Variants in MFSD11 observed in about 807,000 individuals in gnomAD.
The protein encoded by MFSD11 is UNC93-like protein MFSD11.
In MFSD11, 36 loss-of-function variants were observed where a neutral mutation model predicts 53.5. That is an observed-to-expected ratio of 0.67 (90% confidence interval 0.52 to 0.89). MFSD11 has a LOEUF of 0.89. Among genes scored for constraint, MFSD11 ranks in the 40% least tolerant of loss-of-function variants. The pLI, the probability that MFSD11 is intolerant of heterozygous loss-of-function variation, is 0.00. For missense variants in MFSD11, 530 were observed against 543.9 expected, an observed-to-expected ratio of 0.97 and a Z score of 0.25; for synonymous variants, 186 against 184.9, an observed-to-expected ratio of 1.01 and a Z score of -0.05.
At chr17:76,746,121 G>A (rs1042157266) in intron 7 of MFSD11, among the ~76,000 whole-genome samples, 5 of 152,204 alleles carry the variant, frequency 3.3e-5, no homozygotes, top group African/African-American at 4.8e-5. Flanking sequence ...GGGAACACAC[G>A]AATGATAAGA....
chr17:76,778,246 T>C lies in MFSD11; in HGVS notation c.1244T>C (p.Leu415Pro). 6.2e-7 allele frequency: 1 copy of C among 1,614,186 alleles called. No homozygotes were observed. Residue 415 changes from leucine (L) to proline (P), a missense_variant, in exon 13 of 13, where the codon CTC becomes CCC. By Grantham distance (98) the Leu-to-Pro change is moderately conservative. Transcript: ENST00000685175. ...AACTACCTTCTCCTTCACTGGCAACTCCTGGTCATGGTGATATTTGGGTTT... is the reference window on the plus strand; with the variant it reads ...AACTACCTTCTCCTTCACTGGCAACCCCTGGTCATGGTGATATTTGGGTTT... ...YSNYLLLHWQ[L>P]LVMVIFGFFG...
chr17:76,742,253 C>G lies in MFSD11; in HGVS notation c.417C>G (p.Phe139Leu), dbSNP rs747931692. The G allele has an allele frequency of 3.1e-6, 5 of 1,613,900 alleles. No homozygotes were observed. Among genetic ancestry groups the G allele is most frequent in the Non-Finnish European group, 4.2e-6 (5 of 1,179,904 alleles). The change falls in exon 5 of 13, where the codon TTC becomes TTG. Residue 139 changes from phenylalanine (F) to leucine (L), a missense_variant. Coordinates refer to ENST00000685175, the MANE Select transcript of MFSD11 (RefSeq NM_001242532.5). ...EHSIGRNSGIFWALLQSSLFF... is the reference protein window; with the variant it reads ...EHSIGRNSGILWALLQSSLFF... ...GCATTGGGAGAAACAGTGGGATTTTCTGGGCACTTCTGCAGTCTAGGTAAT... is the reference window on the plus strand; with the variant it reads ...GCATTGGGAGAAACAGTGGGATTTTGTGGGCACTTCTGCAGTCTAGGTAAT...
intron 8 of MFSD11, 172 bp from the exon 9 acceptor site, chr17:76,767,214 T>G (rs992817992): frequency 3.9e-6 from 2 of 515,500 alleles, no homozygotes; most frequent in Non-Finnish European, 6.8e-6. Flanking sequence ...AAACGTTTTA[T>G]TTATAGGGCA....
At chr17:76,755,740 G>GTA (rs1236387251) in intron 8 of MFSD11, among the ~76,000 whole-genome samples, 6 of 117,136 alleles carry the variant, frequency 5.1e-5, no homozygotes, top group East Asian at 2.7e-4. Flanking sequence ...GTATATATAT[G>GTA]TATATATATG....
chr17:76,797,141 C>T, the MFSD11 span, among the ~76,000 whole-genome samples: 1 of 151,886 alleles, frequency 6.6e-6, no homozygotes, highest in African/African-American at 2.4e-5. Context: ...TGTACTCCAG[C>T]ATGGGCGACA....
chr17:76,770,141 C>G (rs2081265946), intron 10 of MFSD11, among the ~76,000 whole-genome samples: 1 of 151,202 alleles, frequency 6.6e-6, no homozygotes, highest in Admixed American at 6.6e-5. Context: ...GGGTTCACGC[C>G]ATTCTTCTGC....
chr17:76,759,602 G>GT (rs2079995181), intron 8 of MFSD11, among the ~76,000 whole-genome samples: 1 of 151,976 alleles, frequency 6.6e-6, no homozygotes, highest in African/African-American at 2.4e-5. Flanking sequence ...CTGCAGGTAT[G>GT]TAACACCATG....
At chr17:76,794,699 T>TTTTG in the MFSD11 span, among the ~76,000 whole-genome samples, 2 of 3,790 alleles carry the variant, frequency 5.3e-4, no homozygotes, top group Non-Finnish European at 7.8e-4. Flanking sequence ...TTTTTTTTTT[T>TTTTG]TTTTTTGTTT....
intron 8 of MFSD11, among the ~76,000 whole-genome samples, chr17:76,764,678 A>G (rs1200101623): frequency 6.6e-6 from 1 of 150,944 alleles, no homozygotes; most frequent in East Asian, 1.9e-4. Flanking sequence ...TCTTTGCTAT[A>G]TAATTAATAC....
At position 76,746,874 on chromosome 17, in the gene MFSD11, A is replaced by G. The variant is rs2078592171; in HGVS notation, c.641+2408A>G. Among the ~76,000 whole-genome samples, 3 of 152,014 alleles carry G rather than the reference A, an allele frequency of 2.0e-5. No homozygotes were observed. In the South Asian group the frequency reaches 6.2e-4, roughly 31 times the overall value. On this transcript the variant is annotated intron_variant, in intron 7 of 12. Coordinates refer to ENST00000685175, the MANE Select transcript of MFSD11 (RefSeq NM_001242532.5). Reference sequence around the variant, plus strand: ...AATGTTGTTTTCATGCCTTCTAACAACATGTGTTCTGCAGCCCCTGGATCA... The same window carrying G: ...AATGTTGTTTTCATGCCTTCTAACAGCATGTGTTCTGCAGCCCCTGGATCA...
intron 12 of MFSD11, among the ~76,000 whole-genome samples, chr17:76,777,267 C>CAAA (rs1055404399): frequency 3.5e-5 from 2 of 57,956 alleles, no homozygotes; most frequent in Non-Finnish European, 7.9e-5. Context: ...GACTCCGTCT[C>CAAA]AAAAAAAAAA....
the MFSD11 span, among the ~76,000 whole-genome samples, chr17:76,793,168 C>G: frequency 8.6e-5 from 13 of 151,246 alleles, 3 homozygotes; most frequent in African/African-American, 3.2e-4. Flanking sequence ...AGCAGACAAC[C>G]AGTCTGATCA....
At chr17:76,784,953 A>G (rs889917991), downstream of MFSD11, among the ~76,000 whole-genome samples, 5 of 152,234 alleles carry the variant, frequency 3.3e-5, no homozygotes, top group African/African-American at 7.2e-5. Flanking sequence ...ATAGAATTAC[A>G]TATGATCCAG....
the MFSD11 span, among the ~76,000 whole-genome samples, chr17:76,795,964 C>T: frequency 2.1e-4 from 32 of 151,944 alleles, no homozygotes; most frequent in Non-Finnish European, 3.8e-4. Flanking sequence ...CACGCCTGGC[C>T]GATCAGGCCC....
chr17:76,744,902 A>G (rs2078403764), intron 7 of MFSD11, among the ~76,000 whole-genome samples: 1 of 152,252 alleles, frequency 6.6e-6, no homozygotes, highest in Non-Finnish European at 1.5e-5. Context: ...TGGTTGTCAC[A>G]GATGAACCTT....
chr17:76,755,784 G>GTATATATATATA (rs1482462824), intron 8 of MFSD11, among the ~76,000 whole-genome samples: 1 of 23,282 alleles, frequency 4.3e-5, no homozygotes, highest in Non-Finnish European at 1.0e-4. Context: ...GTGTGTGTGT[G>GTATATATATATA]TGTATACATA....
intron 8 of MFSD11, among the ~76,000 whole-genome samples, chr17:76,764,327 A>C (rs1334493510): frequency 2.0e-5 from 3 of 152,164 alleles, no homozygotes; most frequent in East Asian, 3.8e-4. Context: ...AACTGTCAAC[A>C]CCAAGTTGTA....
the MFSD11 span, among the ~76,000 whole-genome samples, chr17:76,797,007 A>C: frequency 6.6e-6 from 1 of 151,886 alleles, no homozygotes; most frequent in Non-Finnish European, 1.5e-5. Context: ...ATCTCTACTA[A>C]AAATACAAAA....
the MFSD11 span, among the ~76,000 whole-genome samples, chr17:76,795,030 C>G: frequency 6.6e-6 from 1 of 151,822 alleles, no homozygotes; most frequent in Non-Finnish European, 1.5e-5. Flanking sequence ...TCCTCCATAA[C>G]CATTTTGTAT....
Sources: allele counts gnomAD v4.1 joint callset (sites outside exome capture counted in the v4.1 genomes callset), GRCh38; gene constraint gnomAD v4.1.1; transcripts MANE v1.5; gene names NCBI Gene and HGNC (gene_info 2026-07-23, HGNC 2026-07-21).